Variants in CNTN6 observed in about 807,000 individuals in gnomAD.
CNTN6 encodes contactin-6.
CNTN6 carries 137 observed loss-of-function variants against 122.8 expected under a neutral mutation model. The ratio of observed to expected loss-of-function variants is 1.12; its 90% CI spans 0.97 to 1.29. The LOEUF (loss-of-function observed/expected upper bound fraction) is 1.29, where lower values mean the gene tolerates loss of function less well. Among genes scored for constraint, CNTN6 ranks in the 50% most tolerant of loss-of-function variants. CNTN6 has a pLI of 0.00. For synonymous variants in CNTN6, 570 were observed against 426.0 expected (o/e 1.34, Z -4.16); for missense variants, 1,634 against 1,223.4 (o/e 1.34, Z -5.01).
intron 3 of CNTN6, among the ~76,000 whole-genome samples, chr3:1,227,592 G>T (rs1271549103): frequency 6.6e-6 from 1 of 151,668 alleles, no homozygotes; most frequent in Non-Finnish European, 1.5e-5. Context: ...GTATACATTT[G>T]GGTGAATGTA....
intron 12 of CNTN6, among the ~76,000 whole-genome samples, chr3:1,368,904 T>C (rs1195360098): frequency 6.6e-6 from 1 of 152,154 alleles, no homozygotes; most frequent in Non-Finnish European, 1.5e-5. Flanking sequence ...ACCCCACGCT[T>C]TCATTTTGCA....
chr3:1,123,242 C>G (rs556691685), intron 1 of CNTN6, among the ~76,000 whole-genome samples: 12 of 151,946 alleles, frequency 7.9e-5, no homozygotes, highest in African/African-American at 2.9e-4. Context: ...GTAGTTAACA[C>G]TGACATCTTA....
chr3:1,385,020 T>C (rs1179772127), intron 19 of CNTN6, among the ~76,000 whole-genome samples: 2 of 151,998 alleles, frequency 1.3e-5, no homozygotes, highest in Non-Finnish European at 2.9e-5. Flanking sequence ...TTGTAGCATA[T>C]TTTTTCTATA....
At chr3:1,158,854 A>ACATATATATGTGTGTATATATATG (rs1559422311) in intron 2 of CNTN6, among the ~76,000 whole-genome samples, 3 of 55,400 alleles carry the variant, frequency 5.4e-5, no homozygotes, top group African/African-American at 2.6e-4. Flanking sequence ...ATATACATAC[A>ACATATATATGTGTGTATATATATG]TATATATACA....
chr3:1,144,859 A>G (rs567349524), intron 1 of CNTN6, among the ~76,000 whole-genome samples: 88 of 152,256 alleles, frequency 5.8e-4, no homozygotes, highest in African/African-American at 2.0e-3. Flanking sequence ...AGGAAATTGT[A>G]CCCAGGAACA....
Position 1,295,480 on chromosome 3 carries a change from CAAAT to C in CNTN6, c.455-119_455-116del, listed in dbSNP as rs1209882272. The C allele has an allele frequency of 1.5e-5, 11 of 738,052 alleles. No homozygotes were observed. The African/African-American group carries it at 2.0e-4, about 13-fold the overall frequency. The allele number at this position is 738,052 out of a possible 1,614,324, so 45.7% of individuals were successfully genotyped here. On this transcript the variant is annotated intron_variant, in intron 5 of 22. Transcript: ENST00000446702. The stretch of plus-strand genomic sequence containing the variant: ...CACCAGATGACAGCTATCAACTGAG[CAAAT>C]AGAGGCACAATTTTCTCCTAATTAT...
chr3:1,304,987 C>CAAAAAAAAAA (rs4065396), intron 7 of CNTN6, among the ~76,000 whole-genome samples: 3 of 103,276 alleles, frequency 2.9e-5, no homozygotes, highest in African/African-American at 4.6e-5. Context: ...GAGACTCTGT[C>CAAAAAAAAAA]AAAAAAAAAA....
intron 4 of CNTN6, among the ~76,000 whole-genome samples, chr3:1,242,932 A>T (rs968732872): frequency 2.0e-5 from 3 of 152,118 alleles, no homozygotes; most frequent in Admixed American, 6.5e-5. Context: ...CAGGCCCTTG[A>T]AAAGAAGGTA....
At chr3:1,274,003 A>C (rs1019458293) in intron 4 of CNTN6, among the ~76,000 whole-genome samples, 8 of 152,190 alleles carry the variant, frequency 5.3e-5, no homozygotes, top group Admixed American at 3.9e-4. Flanking sequence ...GAATCATTCA[A>C]TTTCTCATTA....
At chr3:1,158,641 T>C (rs1445834171) in intron 2 of CNTN6, among the ~76,000 whole-genome samples, 1 of 151,490 alleles carries the variant, frequency 6.6e-6, no homozygotes, top group Non-Finnish European at 1.5e-5. Context: ...GGCAAGATCA[T>C]AGCTCACTGC....
At chr3:1,258,911 C>T (rs1298217172) in intron 4 of CNTN6, among the ~76,000 whole-genome samples, 1 of 152,052 alleles carries the variant, frequency 6.6e-6, no homozygotes, top group Non-Finnish European at 1.5e-5. Context: ...GTCAGCAAAC[C>T]TTTTCTGTAA....
intron 2 of CNTN6, among the ~76,000 whole-genome samples, chr3:1,200,935 T>TTC (rs2093856688): frequency 6.7e-6 from 1 of 148,890 alleles, no homozygotes; most frequent in African/African-American, 2.5e-5. Context: ...CTTTTTTTCT[T>TTC]TTTTTTTTTT....
At chr3:1,341,187 T>G (rs373696824) in intron 11 of CNTN6, among the ~76,000 whole-genome samples, 1,035 of 93,896 alleles carry the variant, frequency 0.011, 10 homozygotes, top group Middle Eastern at 0.033. Flanking sequence ...AGTTTGTTGG[T>G]TTTTTTTTTT....
chr3:1,142,110 G>T (rs1326089685), intron 1 of CNTN6, among the ~76,000 whole-genome samples: 1 of 151,600 alleles, frequency 6.6e-6, no homozygotes, highest in Non-Finnish European at 1.5e-5. Context: ...GCCATTATTT[G>T]ACTTACACAT....
chr3:1,281,689 C>T (rs1194110065), intron 5 of CNTN6, among the ~76,000 whole-genome samples: 1 of 152,060 alleles, frequency 6.6e-6, no homozygotes, highest in Admixed American at 6.5e-5. Context: ...CTGCCCGCCT[C>T]GGCCTCCCAA....
chr3:1,183,043 T>A (rs2093580176), intron 2 of CNTN6, among the ~76,000 whole-genome samples: 1 of 152,288 alleles, frequency 6.6e-6, no homozygotes, highest in South Asian at 2.1e-4. Context: ...CATGGCCTCT[T>A]TTCTTCTTAT....
intron 2 of CNTN6, among the ~76,000 whole-genome samples, chr3:1,158,887 C>T (rs13062537): frequency 7.1e-4 from 42 of 59,062 alleles, no homozygotes; most frequent in Middle Eastern, 0.012. Context: ...CACATATATA[C>T]ACACATATAT....
At chr3:1,388,164 C>G (rs960123870) in intron 20 of CNTN6, among the ~76,000 whole-genome samples, 17 of 151,654 alleles carry the variant, frequency 1.1e-4, no homozygotes, top group Admixed American at 2.0e-4. Flanking sequence ...ATGTCCCTGT[C>G]TGACAGCTTT....
chr3:1,117,502 C>T (rs1194364174), intron 1 of CNTN6, among the ~76,000 whole-genome samples: 3 of 152,140 alleles, frequency 2.0e-5, no homozygotes, highest in African/African-American at 7.2e-5. Context: ...TGTGACCTTA[C>T]TAAGTTCTTT....
Sources: allele counts gnomAD v4.1 joint callset (sites outside exome capture counted in the v4.1 genomes callset), GRCh38; gene constraint gnomAD v4.1.1; transcripts MANE v1.5; gene names NCBI Gene and HGNC (gene_info 2026-07-23, HGNC 2026-07-21).